Variants in RNF13 observed in about 807,000 individuals in gnomAD.
RNF13 encodes the protein E3 ubiquitin-protein ligase RNF13.
RNF13 carries 19 observed loss-of-function variants against 37.7 expected under a neutral mutation model. The ratio of observed to expected loss-of-function variants is 0.50; its 90% CI spans 0.35 to 0.74. The LOEUF (loss-of-function observed/expected upper bound fraction) is 0.74. RNF13 is among the 30% of genes least tolerant of loss of function. RNF13 has a pLI of 0.01. For missense variants in RNF13, 375 were observed against 453.0 expected (o/e 0.83, Z 1.56); for synonymous variants, 144 against 157.8 (o/e 0.91, Z 0.65).
At chr3:149,836,463 C>T (rs1721635414) in intron 1 of RNF13, among the ~76,000 whole-genome samples, 1 of 151,806 alleles carries the variant, frequency 6.6e-6, no homozygotes, top group South Asian at 2.1e-4. Flanking sequence ...ATATGTCTAT[C>T]ATAAAATAGA....
At chr3:149,874,268 A>G (rs1712434461) in intron 4 of RNF13, among the ~76,000 whole-genome samples, 1 of 152,102 alleles carries the variant, frequency 6.6e-6, no homozygotes, top group Non-Finnish European at 1.5e-5. Flanking sequence ...AGTTGTATAA[A>G]TTTCTGGAAC....
chr3:149,895,675 C>G (rs1020325502), intron 5 of RNF13, 115 bp downstream of exon 5: 7 of 586,708 alleles, frequency 1.2e-5, no homozygotes, highest in Non-Finnish European at 2.1e-5. Flanking sequence ...TCTTCTCTAT[C>G]AGATAATCCC....
chr3:149,886,367 A>AT (rs1714032490), intron 4 of RNF13, among the ~76,000 whole-genome samples: 1 of 151,926 alleles, frequency 6.6e-6, no homozygotes, highest in Admixed American at 6.6e-5. Context: ...ATGAACATGG[A>AT]TTTTTTTCTC....
chr3:149,845,192 A>G (rs1722530011), intron 1 of RNF13, among the ~76,000 whole-genome samples: 1 of 152,208 alleles, frequency 6.6e-6, no homozygotes, highest in South Asian at 2.1e-4. Flanking sequence ...ATCCACACTA[A>G]TCATCATCAA....
intron 8 of RNF13, among the ~76,000 whole-genome samples, chr3:149,943,304 A>G (rs956980063): frequency 6.6e-6 from 1 of 151,948 alleles, no homozygotes; most frequent in Admixed American, 6.6e-5. Flanking sequence ...AGATATCCCA[A>G]TATCCCCTGC....
intron 2 of RNF13, chr3:149,851,466 C>T (rs916163764): frequency 1.3e-4 from 20 of 152,304 alleles, no homozygotes; most frequent in African/African-American, 4.3e-4. Flanking sequence ...TCAGGGATGA[C>T]GTAGCTATCA....
rs1408430566 is a variant in RNF13 at position 149,895,481 on chromosome 3, T to C, written c.330T>C (p.Asn110=). 1 of 1,569,080 alleles carries C rather than the reference T, an allele frequency of 6.4e-7. No individual in the cohort carries two copies. The highest frequency in any genetic ancestry group is 8.6e-7 in the Non-Finnish European group (1 of 1,156,648). ...TTTTTTTTGCTTTGCAGGTTTTAAA[T>C]GCACAGAGAGCAGGATACAAGGCAG... The part of the protein sequence containing the change: ...LDCNFDIKVL[N]AQRAGYKAAI... Residue 110 remains asparagine (N), a synonymous_variant, in exon 5 of 10, where the codon AAT becomes AAC. Coordinates refer to ENST00000392894, the MANE Select transcript of RNF13 (RefSeq NM_183381.3).
chr3:149,826,029 T>TA (rs914606329), intron 1 of RNF13, among the ~76,000 whole-genome samples: 3 of 152,238 alleles, frequency 2.0e-5, no homozygotes, highest in African/African-American at 7.2e-5. Flanking sequence ...TTGTTTAACT[T>TA]ACTGAATAGT....
At chr3:149,904,802 G>A (rs544712097) in intron 6 of RNF13, among the ~76,000 whole-genome samples, 2 of 151,904 alleles carry the variant, frequency 1.3e-5, no homozygotes, top group East Asian at 1.9e-4. Context: ...TTATTCTTTA[G>A]TTCATTAAAT....
intron 1 of RNF13, among the ~76,000 whole-genome samples, chr3:149,821,185 G>A (rs1314174708): frequency 6.6e-6 from 1 of 152,164 alleles, no homozygotes; most frequent in Non-Finnish European, 1.5e-5. Flanking sequence ...TATATACCAA[G>A]AATGGAATGC....
chr3:149,951,151 G>A (rs1172971507), intron 8 of RNF13, among the ~76,000 whole-genome samples: 1 of 152,110 alleles, frequency 6.6e-6, no homozygotes, highest in Non-Finnish European at 1.5e-5. Context: ...TGTCCACACT[G>A]AGTCTCTGGC....
At position 149,921,182 on chromosome 3, in the gene RNF13, C is replaced by A; in HGVS notation, c.655C>A (p.Arg219Ser). The A allele has an allele frequency of 7.0e-7, 1 of 1,426,600 alleles. No homozygotes were observed. Among genetic ancestry groups the A allele is most frequent in the Non-Finnish European group, 9.3e-7 (1 of 1,075,834 alleles). The allele number at this position is 1,426,600 out of a possible 1,614,324, so 88.4% of individuals were successfully genotyped here. The change falls in exon 8 of 10, where the codon CGT becomes AGT. Residue 219 changes from arginine to serine, a missense_variant. Physicochemically the swap from Arg to Ser is moderately radical, Grantham distance 110. Coordinates refer to ENST00000392894, the MANE Select transcript of RNF13 (RefSeq NM_183381.3). Reference sequence around the variant, plus strand: ...ACATAGAGCTAGAAGAAACAGACTTCGTAAAGATCAACTTAAGAAACTTCC... The same window carrying A: ...ACATAGAGCTAGAAGAAACAGACTTAGTAAAGATCAACTTAAGAAACTTCC... ...DRHRARRNRL[R>S]KDQLKKLPVH...
chr3:149,871,864 G>A (rs1712108545), intron 3 of RNF13, among the ~76,000 whole-genome samples, 165 bp from the exon 4 acceptor site: 1 of 152,126 alleles, frequency 6.6e-6, no homozygotes. Flanking sequence ...GCTTGTGAAA[G>A]CAAATGCTGC....
At chr3:149,828,704 C>T (rs566572826) in intron 1 of RNF13, among the ~76,000 whole-genome samples, 16 of 152,178 alleles carry the variant, frequency 1.1e-4, no homozygotes, top group Non-Finnish European at 1.8e-4. Context: ...TAGTTTGACC[C>T]TCTACCCACT....
intron 7 of RNF13, among the ~76,000 whole-genome samples, chr3:149,912,621 A>G (rs1407120897): frequency 6.6e-6 from 1 of 152,138 alleles, no homozygotes; most frequent in African/African-American, 2.4e-5. Context: ...AGCACAGTAA[A>G]ATGTTAATTA....
chr3:149,913,896 A>G (rs1303696301), intron 7 of RNF13, among the ~76,000 whole-genome samples: 2 of 151,562 alleles, frequency 1.3e-5, no homozygotes, highest in African/African-American at 4.9e-5. Flanking sequence ...TCCTTTTTCT[A>G]CTCTTTTCTT....
chr3:149,917,429 A>T (rs905603070), intron 7 of RNF13: 22 of 152,140 alleles, frequency 1.4e-4, no homozygotes, highest in Admixed American at 1.4e-3. Context: ...ATTTTAGTAT[A>T]TGTGTTGCTG....
intron 6 of RNF13, among the ~76,000 whole-genome samples, chr3:149,911,015 T>A (rs1716943656): frequency 6.6e-6 from 1 of 152,224 alleles, no homozygotes; most frequent in Non-Finnish European, 1.5e-5. Context: ...ATTACCCACC[T>A]TACAACATAC....
chr3:149,842,398 A>G (rs1380165149), intron 1 of RNF13, among the ~76,000 whole-genome samples: 1 of 152,110 alleles, frequency 6.6e-6, no homozygotes, highest in African/African-American at 2.4e-5. Flanking sequence ...TTCCATTGCT[A>G]TGTTAAGCCC....
Sources: gnomAD v4.1 joint callset for allele counts (sites outside exome capture counted in the v4.1 genomes callset) on GRCh38, gnomAD v4.1.1 for gene constraint, MANE v1.5 for transcripts, NCBI Gene and HGNC (gene_info 2026-07-23, HGNC 2026-07-21) for gene names.